The following RHEX variants were observed in gnomAD, a reference collection of about 807,000 sequenced individuals.
RHEX encodes regulator of hemoglobinization and erythroid cell expansion, also known as regulator of hemoglobinization and erythroid cell expansion protein.
Under a neutral mutation model 20.1 loss-of-function variants are expected in RHEX, and 18 were observed. That is an observed-to-expected ratio of 0.90 (90% CI 0.62 to 1.33). RHEX has a LOEUF of 1.33. Ranked by LOEUF, RHEX falls within the 40% of genes most tolerant of loss-of-function variation. RHEX has a pLI of 0.00. For missense variants in RHEX, 192 were observed against 214.3 expected, an observed-to-expected ratio of 0.90 and a Z score of 0.65; for synonymous variants, 87 against 77.1, an observed-to-expected ratio of 1.13 and a Z score of -0.67.
intron 1 of RHEX, among the ~76,000 whole-genome samples, chr1:206,085,676 G>A (rs1553286349): frequency 6.6e-6 from 1 of 152,166 alleles, no homozygotes; most frequent in African/African-American, 2.4e-5. Context: ...TGGAGGTGTG[G>A]TTTATCTAGT....
chr1:206,092,183 C>G (rs990783304), intron 1 of RHEX, among the ~76,000 whole-genome samples: 1 of 152,044 alleles, frequency 6.6e-6, no homozygotes, highest in African/African-American at 2.4e-5. Context: ...CTCAGCCTCC[C>G]AAAGTGCTAG....
chr1:206,075,803 T>C (rs1408804745), intron 1 of RHEX, among the ~76,000 whole-genome samples: 5 of 152,090 alleles, frequency 3.3e-5, no homozygotes, highest in African/African-American at 1.2e-4. Flanking sequence ...GGTTTCACCA[T>C]GTTGGCTAGG....
chr1:206,080,127 T>A, intron 1 of RHEX: 1 of 152,212 alleles, frequency 6.6e-6, no homozygotes, highest in South Asian at 2.1e-4. Context: ...GGGTTTTAAA[T>A]GATCCTTCCT....
chr1:206,061,057 C>T, intron 1 of RHEX: 1 of 152,264 alleles, frequency 6.6e-6, no homozygotes, highest in Non-Finnish European at 1.5e-5. Flanking sequence ...ATGCTGAAAG[C>T]TATATATAGT....
chr1:206,068,722 T>G (rs1281066377), intron 1 of RHEX, among the ~76,000 whole-genome samples: 1 of 152,190 alleles, frequency 6.6e-6, no homozygotes, highest in Non-Finnish European at 1.5e-5. Flanking sequence ...GCATAAAACT[T>G]GGGTGGAAAT....
At chr1:206,097,924 C>A in intron 2 of RHEX, 85 bp downstream of exon 2, 1 of 1,230,106 alleles carries the variant, frequency 8.1e-7, no homozygotes, top group Non-Finnish European at 1.2e-6. Context: ...AGCACCCTTC[C>A]TGGCTGCCCC....
At chr1:206,096,299 C>A (rs1164953528) in intron 1 of RHEX, among the ~76,000 whole-genome samples, 1 of 152,248 alleles carries the variant, frequency 6.6e-6, no homozygotes, top group Non-Finnish European at 1.5e-5. Flanking sequence ...TACTGGCCAA[C>A]CCCCTCAAGG....
chr1:206,055,567 G>C (rs551535113), intron 1 of RHEX, among the ~76,000 whole-genome samples: 2 of 152,222 alleles, frequency 1.3e-5, no homozygotes, highest in Admixed American at 6.5e-5. Context: ...TCGAAGCCCC[G>C]CAAGGAACAC....
At chr1:206,085,150 G>A (rs1287716382) in intron 1 of RHEX, among the ~76,000 whole-genome samples, 2 of 152,108 alleles carry the variant, frequency 1.3e-5, no homozygotes, top group Non-Finnish European at 2.9e-5. Context: ...GGAGAAAAGC[G>A]AAACTCTGAG....
chr1:206,081,894 C>A (rs1288803255), intron 1 of RHEX, among the ~76,000 whole-genome samples: 2 of 152,114 alleles, frequency 1.3e-5, no homozygotes, highest in African/African-American at 4.8e-5. Flanking sequence ...TTGGCATGAT[C>A]CCCACAGTTA....
At chr1:206,064,429 G>A (rs1239867373) in intron 1 of RHEX, among the ~76,000 whole-genome samples, 19 of 105,564 alleles carry the variant, frequency 1.8e-4, no homozygotes, top group African/African-American at 8.2e-4. Context: ...CCCCGTCCGG[G>A]AGGGAGGTGG....
chr1:206,096,787 T>TTTTTTTTTG (rs1663081065), intron 1 of RHEX, among the ~76,000 whole-genome samples: 1 of 149,182 alleles, frequency 6.7e-6, no homozygotes, highest in African/African-American at 2.4e-5. Context: ...TTTGGTTTTT[T>TTTTTTTTTG]TTTTTGAGAC....
At chr1:206,101,437 A>T (rs528138033) in intron 5 of RHEX, among the ~76,000 whole-genome samples, 1 of 152,224 alleles carries the variant, frequency 6.6e-6, no homozygotes, top group Admixed American at 6.5e-5. Context: ...GCTAATGGGA[A>T]ACCCTCTTCT....
At chr1:206,098,325 T>C in intron 3 of RHEX, 144 bp downstream of exon 3, 1 of 613,866 alleles carries the variant, frequency 1.6e-6, no homozygotes, top group Admixed American at 2.5e-5. Flanking sequence ...TTCCCACCGC[T>C]CCCCCTCCCC....
At chr1:206,059,474 C>A (rs180984213) in intron 1 of RHEX, among the ~76,000 whole-genome samples, 2 of 152,154 alleles carry the variant, frequency 1.3e-5, no homozygotes, top group Admixed American at 1.3e-4. Flanking sequence ...AATGGGTTCC[C>A]CCCACCCCAC....
intron 1 of RHEX, among the ~76,000 whole-genome samples, chr1:206,058,907 G>A (rs1205903064): frequency 2.0e-5 from 3 of 152,138 alleles, no homozygotes; most frequent in Non-Finnish European, 4.4e-5. Flanking sequence ...GGCTCGTCCT[G>A]CTACAACTGG....
chr1:206,069,004 A>G (rs1662480902), intron 1 of RHEX, among the ~76,000 whole-genome samples: 1 of 152,300 alleles, frequency 6.6e-6, no homozygotes, highest in South Asian at 2.1e-4. Context: ...TTATGTGGCA[A>G]ATGGGATGGT....
At chr1:206,062,696 G>A (rs782581493) in intron 1 of RHEX, among the ~76,000 whole-genome samples, 1 of 152,210 alleles carries the variant, frequency 6.6e-6, no homozygotes, top group Non-Finnish European at 1.5e-5. Context: ...GAGCTCCCAG[G>A]AAGCATGGGG....
In RHEX at chr1:206,067,170, A is replaced by G. The variant is rs1553284251; in HGVS notation, c.-97+13905A>G. ...AAGAGGGGGTACTGAGGCATATCTA[A>G]CCTCCTATCTCATCAAAGCCAGGGA... On this transcript the variant is annotated intron_variant, in intron 1 of 5. Transcript: ENST00000331555. This position sits in a 1 kb window ranked among gnomAD's most constrained non-coding sequence, Gnocchi z 4.6. Among the ~76,000 whole-genome samples, 1 of 152,134 alleles carries G rather than the reference A, an allele frequency of 6.6e-6. No homozygotes were observed. Among genetic ancestry groups the G allele is most frequent in the African/African-American group, 2.4e-5 (1 of 41,410 alleles).
Sources: gnomAD v4.1 joint callset for allele counts (sites outside exome capture counted in the v4.1 genomes callset) on GRCh38, gnomAD v4.1.1 for gene constraint, Gnocchi (gnomAD v3.1) non-coding constraint, MANE v1.5 for transcripts, NCBI Gene and HGNC (gene_info 2026-07-23, HGNC 2026-07-21) for gene names.